Variants in HS3ST4 observed in about 807,000 individuals in gnomAD.
The protein encoded by HS3ST4 is heparan sulfate-glucosamine 3-sulfotransferase 4.
HS3ST4 carries 17 observed loss-of-function variants against 29.2 expected under a neutral mutation model. The ratio of observed to expected loss-of-function variants is 0.58; its 90% CI spans 0.40 to 0.87. The LOEUF (loss-of-function observed/expected upper bound fraction) is 0.87. Ranked by LOEUF, HS3ST4 falls within the 40% of genes least tolerant of loss-of-function variation. HS3ST4 has a pLI of 0.00. For synonymous variants in HS3ST4, 314 were observed against 285.7 expected (o/e 1.10, Z -1.00); for missense variants, 627 against 634.5 (o/e 0.99, Z 0.13).
intron 1 of HS3ST4, among the ~76,000 whole-genome samples, chr16:26,061,905 G>C (rs1331864852): frequency 1.3e-5 from 2 of 152,028 alleles, no homozygotes; most frequent in African/African-American, 2.4e-5. Flanking sequence ...TTTCATTTTT[G>C]TTTTTATTTT....
chr16:26,009,964 A>C (rs1969295738), intron 1 of HS3ST4, among the ~76,000 whole-genome samples: 1 of 152,170 alleles, frequency 6.6e-6, no homozygotes, highest in East Asian at 1.9e-4. Context: ...TTTCCTAGCA[A>C]CACGGGCCGT....
intron 1 of HS3ST4, among the ~76,000 whole-genome samples, chr16:26,061,183 A>AT (rs979386920): frequency 6.6e-6 from 1 of 152,102 alleles, no homozygotes; most frequent in Non-Finnish European, 1.5e-5. Context: ...CTTTCTTCTT[A>AT]TTTTTTTCTC....
intron 1 of HS3ST4, among the ~76,000 whole-genome samples, chr16:25,821,388 G>A (rs552721706): frequency 1.3e-5 from 2 of 152,052 alleles, no homozygotes; most frequent in African/African-American, 4.8e-5. Flanking sequence ...ATTTTTAGGT[G>A]GATTGACAGG....
intron 1 of HS3ST4, among the ~76,000 whole-genome samples, chr16:26,094,334 G>GA (rs1898896732): frequency 6.6e-6 from 1 of 152,138 alleles, no homozygotes; most frequent in South Asian, 2.1e-4. Flanking sequence ...AGGTTGAAAT[G>GA]AAGGAAAAAA....
intron 1 of HS3ST4, among the ~76,000 whole-genome samples, chr16:25,812,224 G>A (rs1321431189): frequency 1.3e-5 from 2 of 152,106 alleles, no homozygotes; most frequent in African/African-American, 4.8e-5. Context: ...CTAAGTCTAC[G>A]GGACAGGGAA....
intron 1 of HS3ST4, among the ~76,000 whole-genome samples, chr16:26,118,357 G>A (rs1225078567): frequency 6.6e-6 from 1 of 152,148 alleles, no homozygotes; most frequent in Non-Finnish European, 1.5e-5. Context: ...AAAGGGCTGG[G>A]ATTACAGGGT....
intron 1 of HS3ST4, among the ~76,000 whole-genome samples, chr16:26,043,889 G>T (rs1301543832): frequency 6.6e-6 from 1 of 152,038 alleles, no homozygotes; most frequent in Non-Finnish European, 1.5e-5. Flanking sequence ...CATTCTCCCT[G>T]CCACTACCTC....
In HS3ST4 at chr16:25,895,176, C is replaced by T. The variant is rs111398539; in HGVS notation, c.734+202025C>T. 1.8e-3 allele frequency among the ~76,000 whole-genome samples: 266 copies of T among 151,598 alleles called. 1 individual carries two copies. Among genetic ancestry groups the T allele is most frequent in the African/African-American group, 6.0e-3 (246 of 41,296 alleles). ...GTGTGTGTGTGCTCACAAGTGTGTGCGTGTGTGTGGCAGTTCTGGACCATG... is the reference window on the plus strand; with the variant it reads ...GTGTGTGTGTGCTCACAAGTGTGTGTGTGTGTGTGGCAGTTCTGGACCATG... On this transcript the variant is annotated intron_variant, in intron 1 of 1. Transcript: ENST00000331351.
intron 1 of HS3ST4, among the ~76,000 whole-genome samples, chr16:26,098,729 A>G (rs972737191): frequency 6.6e-6 from 1 of 151,746 alleles, no homozygotes; most frequent in Admixed American, 6.5e-5. Context: ...AACTTAAAGT[A>G]TAATAAAAAA....
At chr16:26,105,709 A>G (rs772784118) in intron 1 of HS3ST4, among the ~76,000 whole-genome samples, 14 of 152,228 alleles carry the variant, frequency 9.2e-5, no homozygotes, top group Non-Finnish European at 1.6e-4. Flanking sequence ...GAAAAGCCAG[A>G]CGGGCTTTCG....
chr16:25,860,275 AG>A (rs1348644988), intron 1 of HS3ST4, among the ~76,000 whole-genome samples: 3 of 152,222 alleles, frequency 2.0e-5, no homozygotes, highest in African/African-American at 7.2e-5. Flanking sequence ...CAAATAGTAC[AG>A]CCACTTTGGA....
At chr16:26,097,187 C>T (rs557693671) in intron 1 of HS3ST4, among the ~76,000 whole-genome samples, 1,642 of 152,186 alleles carry the variant, frequency 0.011, 15 homozygotes, top group Non-Finnish European at 0.017. Context: ...CAGTGCCATC[C>T]CCATCAAGCT....
chr16:25,802,901 G>A (rs1009561840), intron 1 of HS3ST4, among the ~76,000 whole-genome samples: 1 of 149,552 alleles, frequency 6.7e-6, no homozygotes. Flanking sequence ...TGCCTTATAA[G>A]GAAGGTAGTA....
At chr16:26,003,157 A>G (rs1304926548) in intron 1 of HS3ST4, among the ~76,000 whole-genome samples, 1 of 152,202 alleles carries the variant, frequency 6.6e-6, no homozygotes, top group African/African-American at 2.4e-5. Flanking sequence ...TGACAGAACT[A>G]ACAACCAGAG....
chr16:26,123,913 G>T (rs1443185715), intron 1 of HS3ST4, among the ~76,000 whole-genome samples: 1 of 151,504 alleles, frequency 6.6e-6, no homozygotes, highest in African/African-American at 2.4e-5. Flanking sequence ...TTTAGAAAAT[G>T]AAAACTTCTT....
chr16:25,769,654 A>G (rs1966839516), intron 1 of HS3ST4, among the ~76,000 whole-genome samples: 2 of 152,188 alleles, frequency 1.3e-5, no homozygotes, highest in Non-Finnish European at 1.5e-5. Flanking sequence ...TTGACTTTCT[A>G]TTGATTTTTT....
chr16:25,865,501 AT>A (rs201808044), intron 1 of HS3ST4, among the ~76,000 whole-genome samples: 21,468 of 152,090 alleles, frequency 0.14, 1,576 homozygotes, highest in East Asian at 0.25. Context: ...CATTTTAAAA[AT>A]CAGGTTGTTT....
chr16:25,750,912 G>T (rs539678607), intron 1 of HS3ST4, among the ~76,000 whole-genome samples: 3 of 152,262 alleles, frequency 2.0e-5, no homozygotes, highest in South Asian at 2.1e-4. Flanking sequence ...ATTTGAATGA[G>T]TCTCTATCAT....
At chr16:25,980,289 G>A (rs1489067748) in intron 1 of HS3ST4, among the ~76,000 whole-genome samples, 1 of 152,120 alleles carries the variant, frequency 6.6e-6, no homozygotes, top group East Asian at 1.9e-4. Context: ...CCCTCTTCCT[G>A]GGACACACCT....
Sources: allele counts gnomAD v4.1 joint callset (sites outside exome capture counted in the v4.1 genomes callset), GRCh38; gene constraint gnomAD v4.1.1; transcripts MANE v1.5; gene names NCBI Gene and HGNC (gene_info 2026-07-23, HGNC 2026-07-21).